Variants in NMNAT2 observed in about 807,000 individuals in gnomAD.
The protein encoded by NMNAT2 is nicotinamide nucleotide adenylyltransferase 2.
NMNAT2 carries 11 observed loss-of-function variants against 41.6 expected under a neutral mutation model. The observed-to-expected ratio is 0.26, with a 90% CI of 0.17 to 0.44. The LOEUF (loss-of-function observed/expected upper bound fraction) is 0.44, where lower values mean the gene tolerates loss of function less well. Ranked by LOEUF, NMNAT2 falls within the 20% of genes least tolerant of loss-of-function variation. The pLI, the probability that NMNAT2 is intolerant of heterozygous loss-of-function variation, is 1.00. For missense variants in NMNAT2, 288 were observed against 407.7 expected (o/e 0.71, Z 2.53); for synonymous variants, 148 against 151.2 (o/e 0.98, Z 0.16).
At chr1:183,263,202 G>C (rs946153822) in intron 8 of NMNAT2, among the ~76,000 whole-genome samples, 2 of 152,192 alleles carry the variant, frequency 1.3e-5, no homozygotes, top group Non-Finnish European at 2.9e-5. Flanking sequence ...ATGTCGTAGA[G>C]AGAAGTTAAA....
chr1:183,273,877 T>C (rs1223829609), intron 8 of NMNAT2, among the ~76,000 whole-genome samples: 126 of 106,638 alleles, frequency 1.2e-3, no homozygotes, highest in African/African-American at 3.9e-3. Context: ...CTTCCTTCCT[T>C]CCTTCCTTCC....
chr1:183,385,202 T>TA (rs34944768), intron 1 of NMNAT2, among the ~76,000 whole-genome samples: 9 of 151,516 alleles, frequency 5.9e-5, no homozygotes, highest in Admixed American at 2.6e-4. Flanking sequence ...ACTCTGTCTC[T>TA]AAAAAAAACA....
chr1:183,345,048 C>A (rs1662896952), intron 1 of NMNAT2, among the ~76,000 whole-genome samples: 1 of 152,206 alleles, frequency 6.6e-6, no homozygotes, highest in Non-Finnish European at 1.5e-5. Context: ...CCTCATTCCA[C>A]CTGTTGTAAA....
intron 10 of NMNAT2, among the ~76,000 whole-genome samples, chr1:183,255,115 A>C (rs1660483036): frequency 6.6e-6 from 1 of 152,140 alleles, no homozygotes. Context: ...ATAAGGTCCA[A>C]TTTCATTCTT....
At chr1:183,332,858 C>T (rs2102339707) in intron 1 of NMNAT2, among the ~76,000 whole-genome samples, 1 of 152,338 alleles carries the variant, frequency 6.6e-6, no homozygotes, top group South Asian at 2.1e-4. Flanking sequence ...TCACCCTCCC[C>T]TGCTGGTTTC....
At chr1:183,292,953 C>A in intron 2 of NMNAT2, 96 bp from the exon 3 acceptor site, 1 of 1,128,068 alleles carries the variant, frequency 8.9e-7, no homozygotes. Flanking sequence ...AAAGTGCAGC[C>A]ATTTTTCAGT....
intron 8 of NMNAT2, among the ~76,000 whole-genome samples, chr1:183,265,320 G>A (rs1660785708): frequency 8.0e-6 from 1 of 125,558 alleles, no homozygotes; most frequent in Non-Finnish European, 1.6e-5. Context: ...AGGCTGGAGT[G>A]CAGTGGCGCA....
At chr1:183,340,957 A>G (rs1662785827) in intron 1 of NMNAT2, among the ~76,000 whole-genome samples, 1 of 152,200 alleles carries the variant, frequency 6.6e-6, no homozygotes, top group South Asian at 2.1e-4. Flanking sequence ...CACATGCATT[A>G]TTTCATTAGA....
intron 1 of NMNAT2, among the ~76,000 whole-genome samples, chr1:183,358,951 G>A (rs955618779): frequency 2.0e-5 from 3 of 152,228 alleles, no homozygotes; most frequent in Non-Finnish European, 2.9e-5. Context: ...AGCTAAGCAA[G>A]TGTTGATTTG....
At chr1:183,343,136 C>T (rs1401888620) in intron 1 of NMNAT2, among the ~76,000 whole-genome samples, 1 of 152,134 alleles carries the variant, frequency 6.6e-6, no homozygotes, top group Non-Finnish European at 1.5e-5. Context: ...ACCCCTGGGC[C>T]TTTGAGGCCA....
intron 1 of NMNAT2, among the ~76,000 whole-genome samples, chr1:183,357,219 CTTTTTTTTTTT>C (rs11343113): frequency 1.1e-4 from 8 of 71,600 alleles, no homozygotes; most frequent in Admixed American, 3.3e-4. Flanking sequence ...ACATCAAATT[CTTTTTTTTTTT>C]TTTTTTTTTT....
chr1:183,394,821 G>A (rs767686124), intron 1 of NMNAT2, among the ~76,000 whole-genome samples: 1 of 152,196 alleles, frequency 6.6e-6, no homozygotes, highest in Non-Finnish European at 1.5e-5. Context: ...CATTCTCACT[G>A]ACAGTGAAGC....
chr1:183,385,175 C>T (rs1430623474), intron 1 of NMNAT2, among the ~76,000 whole-genome samples: 3 of 152,244 alleles, frequency 2.0e-5, no homozygotes, highest in Non-Finnish European at 4.4e-5. Context: ...GTACTCCAAT[C>T]TGGGTAACAG....
rs192199206 is a variant in NMNAT2, at chr1:183,350,170, G to A, written c.86-56377C>T. 8.5e-5 allele frequency among the ~76,000 whole-genome samples: 13 copies of A among 152,326 alleles called. No individual in the cohort carries two copies. In the East Asian group the frequency reaches 2.1e-3, roughly 25 times the overall value. ...TCTTCCAAGGGGATCACTGTAGAGG[G>A]TGGTAAGTGCTGTGAATAAATGAAT... On this transcript the variant is annotated intron_variant, in intron 1 of 10. Transcript: ENST00000287713.
intron 1 of NMNAT2, among the ~76,000 whole-genome samples, chr1:183,364,012 C>T (rs1663363548): frequency 6.6e-6 from 1 of 152,244 alleles, no homozygotes; most frequent in African/African-American, 2.4e-5. Context: ...ATCCTGCTAT[C>T]ATGTGCTGTC....
intron 1 of NMNAT2, among the ~76,000 whole-genome samples, chr1:183,343,769 G>A (rs1406749693): frequency 6.6e-6 from 1 of 152,114 alleles, no homozygotes; most frequent in African/African-American, 2.4e-5. Flanking sequence ...TCACAAGTCT[G>A]ATCTTGTCAC....
At chr1:183,337,416 A>G (rs1377186379) in intron 1 of NMNAT2, among the ~76,000 whole-genome samples, 2 of 151,962 alleles carry the variant, frequency 1.3e-5, no homozygotes, top group Admixed American at 6.6e-5. Context: ...TCCTCACATC[A>G]CTATTTGATA....
Position 183,402,044 on chromosome 1 carries a change from A to G in NMNAT2, c.85+16139T>C, listed in dbSNP as rs180940048. Among the ~76,000 whole-genome samples, 8 of 152,080 alleles carry G rather than the reference A, an allele frequency of 5.3e-5. 1 individual carries two copies. In the East Asian group the frequency reaches 1.6e-3, roughly 30 times the overall value. ...TGTAACAAACCTGCACGTTGTGCAC[A>G]TGTACCCTAGAACTTAAAGTATAAT... On this transcript the variant is annotated intron_variant, in intron 1 of 10. Transcript: ENST00000287713.
At chr1:183,296,171 A>G (rs531549607) in intron 1 of NMNAT2, among the ~76,000 whole-genome samples, 1 of 152,114 alleles carries the variant, frequency 6.6e-6, no homozygotes, top group East Asian at 1.9e-4. Context: ...TCTTTTAATC[A>G]CTAAATGATA....
Sources: allele counts gnomAD v4.1 joint callset (sites outside exome capture counted in the v4.1 genomes callset), GRCh38; gene constraint gnomAD v4.1.1; transcripts MANE v1.5; gene names NCBI Gene and HGNC (gene_info 2026-07-23, HGNC 2026-07-21).